Variants in PDZD2 observed in about 807,000 individuals in gnomAD.
The protein encoded by PDZD2 is PDZ domain containing 2, also known as PDZ domain-containing protein 2.
PDZD2 carries 90 observed loss-of-function variants against 220.7 expected under a neutral mutation model. The observed-to-expected ratio is 0.41, with a 90% CI of 0.34 to 0.49. The LOEUF (loss-of-function observed/expected upper bound fraction) is 0.49, where lower values mean the gene tolerates loss of function less well. Ranked by LOEUF, PDZD2 falls within the 20% of genes least tolerant of loss-of-function variation. The pLI, the probability that PDZD2 is intolerant of heterozygous loss-of-function variation, is 0.28. For missense variants in PDZD2, 3,174 were observed against 3,608.5 expected (o/e 0.88, Z 3.08); for synonymous variants, 1,375 against 1,450.5 (o/e 0.95, Z 1.18).
chr5:32,018,097 A>G (rs902800963), intron 6 of PDZD2, among the ~76,000 whole-genome samples: 1 of 152,224 alleles, frequency 6.6e-6, no homozygotes, highest in Admixed American at 6.5e-5. Context: ...ATGCAGTGCT[A>G]GGAGTTCACA....
Position 32,071,436 on chromosome 5 carries a change from G to T in PDZD2, c.2568+18G>T, listed in dbSNP as rs1250460292. ...CAAAAAAGGTGAGTCAAGGTGAACT[G>T]CTACCTGCCTCCCTCAGCTGGACCA... On this transcript the variant is annotated intron_variant, in intron 16 of 24. Transcript: ENST00000438447. 1 of 1,593,554 alleles carries T rather than the reference G, an allele frequency of 6.3e-7. No homozygotes were observed.
Position 31,799,223 on chromosome 5 carries a change from G to A in PDZD2, c.-26G>A, listed in dbSNP as rs757433248. ...GGCCCCCAGGAGCAAGACCTCTGAT[G>A]ATGCTGGTGTCTGGGAGTGAGCACC... is the stretch of plus-strand genomic sequence containing the variant. On this transcript the variant is annotated 5_prime_UTR_variant, in exon 2 of 25. An upstream start codon of the reference 5' UTR is lost. Transcript: ENST00000438447. 1.3e-6 allele frequency: 2 copies of A among 1,509,764 alleles called. No homozygotes were observed. Among genetic ancestry groups the A allele is most frequent in the Non-Finnish European group, 1.8e-6 (2 of 1,104,850 alleles). The allele number at this position is 1,509,764 out of a possible 1,614,324, so 93.5% of individuals were successfully genotyped here. A position where few individuals can be genotyped will look rare whatever the true frequency, so the allele number is the denominator to read the frequency against.
rs556276502 is a variant in PDZD2, at chr5:32,014,706, C to CTTTTTTTTTTT, written c.1407+4242_1407+4252dup. On this transcript the variant is annotated intron_variant, in intron 6 of 24. Coordinates refer to ENST00000438447, the MANE Select transcript of PDZD2 (RefSeq NM_178140.4). ...ATTTTCTGCTCTGCAATGACAATTT[C>CTTTTTTTTTTT]TTTTTTTTTTTTTTTTTTTTTTTTT... is the stretch of plus-strand genomic sequence containing the variant. Among the ~76,000 whole-genome samples the CTTTTTTTTTTT allele has an allele frequency of 2.0e-3, 191 of 95,414 alleles. 34 individuals are homozygous for CTTTTTTTTTTT. The highest frequency in any genetic ancestry group is 8.0e-3 in the African/African-American group (182 of 22,890). 62.6% of individuals were successfully genotyped at this position (95,414 alleles called of 152,430 possible).
Position 32,012,124 on chromosome 5 carries a change from G to A in PDZD2, c.1407+1642G>A, listed in dbSNP as rs114470555. Among the ~76,000 whole-genome samples, 775 of 152,262 alleles carry A rather than the reference G, an allele frequency of 5.1e-3. 6 individuals carry two copies. The highest frequency in any genetic ancestry group is 0.017 in the African/African-American group (721 of 41,546). ...CCTTCACTAGCAACTCTCCAGCCCA[G>A]GGGGTTCCTCATTGCTCTCGTCCCC... On this transcript the variant is annotated intron_variant, in intron 6 of 24. Transcript: ENST00000438447.
chr5:31,818,145 G>T (rs906781526), intron 2 of PDZD2, among the ~76,000 whole-genome samples: 1 of 149,952 alleles, frequency 6.7e-6, no homozygotes, highest in African/African-American at 2.5e-5. Context: ...AATGTTTTGT[G>T]TTTTTTTTTA....
intron 2 of PDZD2, among the ~76,000 whole-genome samples, chr5:31,873,480 T>C (rs898978604): frequency 1.3e-5 from 2 of 151,760 alleles, no homozygotes; most frequent in Non-Finnish European, 2.9e-5. Flanking sequence ...CACATGATTG[T>C]GGAGGATGAC....
At chr5:32,060,333 A>G (rs745943767) in intron 13 of PDZD2, among the ~76,000 whole-genome samples, 59 of 152,282 alleles carry the variant, frequency 3.9e-4, no homozygotes, top group Admixed American at 1.1e-3. Flanking sequence ...TTCAAATCCC[A>G]TATAAAGAGT....
chr5:31,983,993 C>T (rs556142525), intron 3 of PDZD2, among the ~76,000 whole-genome samples: 48 of 152,326 alleles, frequency 3.2e-4, no homozygotes, highest in African/African-American at 1.1e-3. Flanking sequence ...AGATAAAGTA[C>T]TTCACTGCAT....
At chr5:31,854,918 G>GT (rs1758296605) in intron 2 of PDZD2, 21 of 958,282 alleles carry the variant, frequency 2.2e-5, no homozygotes, top group Non-Finnish European at 2.5e-5. Flanking sequence ...AGGGAGGAGG[G>GT]GGGGGTCCTC....
At chr5:31,810,408 G>C (rs968328463) in intron 2 of PDZD2, among the ~76,000 whole-genome samples, 6 of 148,330 alleles carry the variant, frequency 4.0e-5, no homozygotes, top group African/African-American at 1.5e-4. Context: ...GACTACAGGT[G>C]CCCACCACCA....
At chr5:31,937,367 G>A (rs997299274) in intron 2 of PDZD2, among the ~76,000 whole-genome samples, 1 of 152,130 alleles carries the variant, frequency 6.6e-6, no homozygotes, top group Admixed American at 6.5e-5. Context: ...ATTTTGTTTC[G>A]GTAGAATAGC....
chr5:31,943,365 A>G (rs1026565202), intron 2 of PDZD2, among the ~76,000 whole-genome samples: 1 of 152,148 alleles, frequency 6.6e-6, no homozygotes, highest in East Asian at 1.9e-4. Context: ...AGCCTGCCCT[A>G]GGCACTCTGG....
chr5:31,894,332 C>T (rs1561548989), intron 2 of PDZD2, among the ~76,000 whole-genome samples: 1 of 152,058 alleles, frequency 6.6e-6, no homozygotes, highest in Non-Finnish European at 1.5e-5. Context: ...GCAGCTGCAG[C>T]TGCATCTGGT....
chr5:31,989,860 G>A (rs772096085), intron 3 of PDZD2, among the ~76,000 whole-genome samples: 5 of 152,148 alleles, frequency 3.3e-5, no homozygotes, highest in African/African-American at 4.8e-5. Context: ...TGCCTTGTAG[G>A]TATTTATTAA....
chr5:31,852,446 T>TG (rs1758114063), intron 2 of PDZD2, among the ~76,000 whole-genome samples: 1 of 151,358 alleles, frequency 6.6e-6, no homozygotes, highest in Admixed American at 6.6e-5. Flanking sequence ...CCATCACGCC[T>TG]GGCTGATTTT....
chr5:31,734,323 T>A (rs1749714321), intron 1 of PDZD2, among the ~76,000 whole-genome samples: 1 of 151,944 alleles, frequency 6.6e-6, no homozygotes, highest in South Asian at 2.1e-4. Context: ...TTGTTGTTGT[T>A]TTGTTTTGTT....
chr5:31,684,487 C>A (rs750152090), intron 1 of PDZD2, among the ~76,000 whole-genome samples: 2 of 152,148 alleles, frequency 1.3e-5, no homozygotes, highest in Non-Finnish European at 2.9e-5. Context: ...CTTGGGTAGA[C>A]CATTGCAAAC....
intron 24 of PDZD2, chr5:32,106,566 A>G (rs1481568641): frequency 6.6e-6 from 1 of 152,258 alleles, no homozygotes; most frequent in Non-Finnish European, 1.5e-5. Flanking sequence ...TGGAGTTTGG[A>G]GAAATCTGTA....
rs74643757 is a variant in PDZD2 at position 31,906,929 on chromosome 5, C to T, written c.477-76226C>T. Among the ~76,000 whole-genome samples, 1,088 of 152,248 alleles carry T rather than the reference C, an allele frequency of 7.1e-3. 6 individuals carry two copies. Among genetic ancestry groups the T allele is most frequent in the Middle Eastern group, 0.017 (5 of 294 alleles). On this transcript the variant is annotated intron_variant, in intron 2 of 24. Transcript: ENST00000438447. Reference sequence around the variant, plus strand: ...TTTCCACCTTTGGATGGGCTCATATCCAATAAGAATTAGATTAAAGCTTAT... The same window carrying T: ...TTTCCACCTTTGGATGGGCTCATATTCAATAAGAATTAGATTAAAGCTTAT...
Sources: allele counts gnomAD v4.1 joint callset (sites outside exome capture counted in the v4.1 genomes callset), GRCh38; gene constraint gnomAD v4.1.1; transcripts MANE v1.5; gene names NCBI Gene and HGNC (gene_info 2026-07-23, HGNC 2026-07-21).